The following CLTC variants were observed in gnomAD, a reference collection of about 807,000 sequenced individuals.
The protein encoded by CLTC is clathrin heavy chain, also known as clathrin heavy chain 1.
A neutral mutation model predicts 195.8 loss-of-function variants in CLTC; 16 were observed. That is an observed-to-expected ratio of 0.08 (90% CI 0.06 to 0.12). The LOEUF is 0.12. Ranked by LOEUF, CLTC falls within the 10% of genes least tolerant of loss-of-function variation. The pLI is 1.00. For missense variants in CLTC, 796 were observed against 2,027.0 expected, an observed-to-expected ratio of 0.39 and a Z score of 11.66; for synonymous variants, 667 against 689.4, an observed-to-expected ratio of 0.97 and a Z score of 0.51.
intron 5 of CLTC, among the ~76,000 whole-genome samples, chr17:59,653,338 C>T (rs1257350020): frequency 1.3e-5 from 2 of 151,512 alleles, no homozygotes; most frequent in African/African-American, 4.9e-5. Context: ...GGACTACAGG[C>T]ACCCACCACC....
intron 31 of CLTC, 33 bp from the exon 32 acceptor site, chr17:59,693,695 C>G (rs1295837825): frequency 1.3e-6 from 2 of 1,594,904 alleles, no homozygotes; most frequent in Admixed American, 1.7e-5. Context: ...CTTGCCCCTG[C>G]CCCCTGCTCC....
intron 1 of CLTC, among the ~76,000 whole-genome samples, chr17:59,643,457 C>T (rs1262134476): frequency 2.0e-5 from 3 of 152,146 alleles, no homozygotes; most frequent in African/African-American, 4.8e-5. Context: ...GTACACAAAG[C>T]AAATCTAATT....
chr17:59,675,689 G>GAGGTTCAGTTGAGTCTGAACCTAT (rs373272104), intron 16 of CLTC, among the ~76,000 whole-genome samples: 138 of 152,258 alleles, frequency 9.1e-4, no homozygotes, highest in African/African-American at 3.2e-3. Flanking sequence ...CATTTAATAA[G>GAGGTTCAGTTGAGTCTGAACCTAT]AGGTTCAGTT....
In CLTC at chr17:59,666,447, G is replaced by A. The variant is rs371439595; in HGVS notation, c.1783-33G>A. 260 of 1,604,502 alleles carry A rather than the reference G, an allele frequency of 1.6e-4. No individual in the cohort carries two copies. Among genetic ancestry groups the A allele is most frequent in the Non-Finnish European group, 2.1e-4 (251 of 1,173,836 alleles). On this transcript the variant is annotated intron_variant, in intron 11 of 31. Transcript: ENST00000269122. The surrounding 1 kb of genome is among the most constrained non-coding windows in gnomAD (Gnocchi z 4.9). ...TTGAATTACTCATGTAAGTGGAGTG[G>A]ACAATAAACTTGCCTTGTTTGTGGT...
At chr17:59,650,974 G>A (rs1370636376) in intron 4 of CLTC, among the ~76,000 whole-genome samples, 1 of 152,122 alleles carries the variant, frequency 6.6e-6, no homozygotes, top group Admixed American at 6.5e-5. Flanking sequence ...GAATCATACA[G>A]TATGTGACCT....
intron 8 of CLTC, among the ~76,000 whole-genome samples, chr17:59,662,480 C>T (rs1438218718): frequency 1.3e-5 from 2 of 152,068 alleles, no homozygotes; most frequent in Non-Finnish European, 2.9e-5. Context: ...TTTCACACCA[C>T]CACATAAAAA....
chr17:59,686,852 C>T (rs1316316326), intron 30 of CLTC: 1 of 258,684 alleles, frequency 3.9e-6, no homozygotes, highest in Non-Finnish European at 6.0e-6. Flanking sequence ...CTAAATTTTG[C>T]TTCCAGTATG....
chr17:59,647,865 A>G (rs982498479), intron 3 of CLTC, among the ~76,000 whole-genome samples, 199 bp downstream of exon 3: 3 of 151,160 alleles, frequency 2.0e-5, no homozygotes, highest in Non-Finnish European at 4.4e-5. Flanking sequence ...CTCCCTTGCT[A>G]TACTGACATA....
At chr17:59,638,579 G>A (rs1300744813) in intron 1 of CLTC, among the ~76,000 whole-genome samples, 2 of 152,044 alleles carry the variant, frequency 1.3e-5, no homozygotes, top group African/African-American at 4.8e-5. Context: ...GGGTGGGATG[G>A]TCTCAGATGA....
chr17:59,685,292 A>C lies in CLTC; in HGVS notation c.4605+66A>C. On this transcript the variant is annotated intron_variant, in intron 29 of 31. Transcript: ENST00000269122. This position sits in a 1 kb window ranked among gnomAD's most constrained non-coding sequence, Gnocchi z 5.0. ...CTAAAATGGTGTTACAAGTGATTATAATCTATAAATAAAAGTATTGGTTTT... is the reference window on the plus strand; with the variant it reads ...CTAAAATGGTGTTACAAGTGATTATCATCTATAAATAAAAGTATTGGTTTT... 7.1e-7 allele frequency: 1 copy of C among 1,409,562 alleles called. No homozygotes were observed. 87.3% of individuals were successfully genotyped at this position (1,409,562 alleles called of 1,614,324 possible).
chr17:59,679,636 C>T (rs987778403), intron 18 of CLTC, 117 bp downstream of exon 18: 85 of 869,122 alleles, frequency 9.8e-5, no homozygotes, highest in Non-Finnish European at 1.3e-4. Flanking sequence ...TGAGAGAAAG[C>T]AATACAAAGT....
At position 59,666,332 on chromosome 17, in the gene CLTC, G is replaced by A; in HGVS notation, c.1782+92G>A. On this transcript the variant is annotated intron_variant, in intron 11 of 31. Transcript: ENST00000269122. The surrounding 1 kb of genome is among the most constrained non-coding windows in gnomAD (Gnocchi z 4.9). ...GATTGTTATGCAAAGCTACTGAGGGGCCTACTCCTTATTAAAGAAAATGTA... is the reference window on the plus strand; with the variant it reads ...GATTGTTATGCAAAGCTACTGAGGGACCTACTCCTTATTAAAGAAAATGTA... 1 of 1,482,744 alleles carries A rather than the reference G, an allele frequency of 6.7e-7. No individual in the cohort carries two copies. The highest frequency in any genetic ancestry group is 9.2e-7 in the Non-Finnish European group (1 of 1,087,182). 91.8% of individuals were successfully genotyped at this position (1,482,744 alleles called of 1,614,324 possible). A position where few individuals can be genotyped will look rare whatever the true frequency, so the allele number is the denominator to read the frequency against.
intron 1 of CLTC, among the ~76,000 whole-genome samples, chr17:59,627,984 A>G (rs2031602575): frequency 6.6e-6 from 1 of 152,228 alleles, no homozygotes; most frequent in African/African-American, 2.4e-5. Context: ...GAAGGTGACA[A>G]TGGAATATAT....
chr17:59,682,545 T>C lies in CLTC; in HGVS notation c.3601-84T>C. On this transcript the variant is annotated intron_variant, in intron 22 of 31. Coordinates refer to ENST00000269122, the MANE Select transcript of CLTC (RefSeq NM_004859.4). This position sits in a 1 kb window ranked among gnomAD's most constrained non-coding sequence, Gnocchi z 6.8. ...AAAATCTATAGGAAAACAAATTCTT[T>C]CTCATTGTGAAGATATCAATTTGAA... 1.9e-6 allele frequency: 3 copies of C among 1,579,202 alleles called. No individual in the cohort carries two copies. Among genetic ancestry groups the C allele is most frequent in the Non-Finnish European group, 2.6e-6 (3 of 1,159,040 alleles).
chr17:59,684,753 C>T (rs2033144926), intron 28 of CLTC, among the ~76,000 whole-genome samples: 1 of 142,372 alleles, frequency 7.0e-6, no homozygotes, highest in African/African-American at 2.6e-5. Flanking sequence ...GCAGTGAGCC[C>T]AGATTGCATC....
intron 15 of CLTC, 37 bp downstream of exon 15, chr17:59,673,809 AC>A: frequency 1.0e-6 from 1 of 964,732 alleles, no homozygotes; most frequent in Admixed American, 2.0e-5. Flanking sequence ...GTATAATCTT[AC>A]TATAGATTTT....
Position 59,666,036 on chromosome 17 carries a change from T to C in CLTC, c.1645-67T>C. On this transcript the variant is annotated intron_variant, in intron 10 of 31. Transcript: ENST00000269122. This position sits in a 1 kb window ranked among gnomAD's most constrained non-coding sequence, Gnocchi z 4.9. ...AATTCTCAGGTAAAGAAAGAGTTCATGCATAATTTTGTCTACATACTCTCC... is the reference window on the plus strand; with the variant it reads ...AATTCTCAGGTAAAGAAAGAGTTCACGCATAATTTTGTCTACATACTCTCC... The C allele has an allele frequency of 1.7e-6, 2 of 1,167,098 alleles. No individual in the cohort carries two copies. Among genetic ancestry groups the C allele is most frequent in the South Asian group, 3.0e-5 (2 of 65,792 alleles). The allele number at this position is 1,167,098 out of a possible 1,614,324, so 72.3% of individuals were successfully genotyped here.
chr17:59,656,053 A>G (rs779480517), intron 6 of CLTC, 26 bp downstream of exon 6: 2 of 1,581,804 alleles, frequency 1.3e-6, no homozygotes, highest in South Asian at 2.4e-5. Flanking sequence ...AACTTAAGCA[A>G]TAAAATAAGA....
chr17:59,644,603 T>A, intron 2 of CLTC, 120 bp downstream of exon 2: 1 of 802,518 alleles, frequency 1.2e-6, no homozygotes, highest in Non-Finnish European at 2.0e-6. Context: ...CAGGCTGGAG[T>A]GCAATGGCAC....
Sources: allele counts gnomAD v4.1 joint callset (sites outside exome capture counted in the v4.1 genomes callset), GRCh38; gene constraint gnomAD v4.1.1; non-coding constraint Gnocchi (gnomAD v3.1); transcripts MANE v1.5; gene names NCBI Gene and HGNC (gene_info 2026-07-23, HGNC 2026-07-21).